FHIT: variants seen among roughly 807,000 people sequenced by gnomAD.
The protein encoded by FHIT is fragile histidine triad diadenosine triphosphatase.
FHIT carries 19 observed loss-of-function variants against 17.9 expected under a neutral mutation model. That is an observed-to-expected ratio of 1.06 (90% CI 0.74 to 1.56). The LOEUF is 1.56. FHIT is among the 40% of genes most tolerant of loss of function. The pLI is 0.00. For missense variants in FHIT, 248 were observed against 189.2 expected (o/e 1.31, Z -1.82); for synonymous variants, 81 against 69.7 (o/e 1.16, Z -0.81).
At chr3:59,827,183 T>A (rs948005348) in intron 8 of FHIT, among the ~76,000 whole-genome samples, 1 of 152,198 alleles carries the variant, frequency 6.6e-6, no homozygotes, top group African/African-American at 2.4e-5. Context: ...CAGCATCTCA[T>A]CTAATCCTTC....
chr3:60,157,839 C>T (rs1217707696), intron 5 of FHIT, among the ~76,000 whole-genome samples: 1 of 105,880 alleles, frequency 9.4e-6, no homozygotes, highest in South Asian at 2.9e-4. Context: ...AGTGACCTCA[C>T]AATGTTATGG....
chr3:60,124,902 A>T (rs948377510), intron 5 of FHIT, among the ~76,000 whole-genome samples: 1 of 152,144 alleles, frequency 6.6e-6, no homozygotes, highest in African/African-American at 2.4e-5. Flanking sequence ...CTGGCCACAC[A>T]ACTAGCCCCT....
chr3:60,933,216 T>C (rs1553772281), intron 3 of FHIT, among the ~76,000 whole-genome samples: 1 of 152,170 alleles, frequency 6.6e-6, no homozygotes, highest in Non-Finnish European at 1.5e-5. Context: ...AAAAATTTTG[T>C]ATACATGGGG....
chr3:59,754,207 GGTAA>G (rs10557569), intron 8 of FHIT, among the ~76,000 whole-genome samples: 36,358 of 151,776 alleles, frequency 0.24, 5,011 homozygotes, highest in South Asian at 0.43. Flanking sequence ...TTCCACTCCT[GGTAA>G]GTAAGTTTGA....
chr3:60,526,028 T>C (rs1195257900), intron 5 of FHIT, among the ~76,000 whole-genome samples: 1 of 152,084 alleles, frequency 6.6e-6, no homozygotes, highest in Non-Finnish European at 1.5e-5. Context: ...ACTTGAGTCC[T>C]GGAGCTCAAG....
rs1337065981 is a variant in FHIT, at chr3:60,077,692, A to ACCCCCCCC, written c.104-63541_104-63540insGGGGGGGG. Among the ~76,000 whole-genome samples, 235 of 95,320 alleles carry ACCCCCCCC rather than the reference A, an allele frequency of 2.5e-3. 1 individual carries two copies. The highest frequency in any genetic ancestry group is 0.011 in the African/African-American group (219 of 20,124). The allele number at this position is 95,320 out of a possible 152,430, so 62.5% of individuals were successfully genotyped here. ...AAAAATCTACGATTTTACTTCACAC[A>ACCCCCCCC]CACACACACACACACACACACACAC... On this transcript the variant is annotated intron_variant, in intron 5 of 9. Transcript: ENST00000492590.
intron 5 of FHIT, among the ~76,000 whole-genome samples, chr3:60,201,648 G>C: frequency 6.6e-6 from 1 of 152,084 alleles, no homozygotes; most frequent in East Asian, 1.9e-4. Flanking sequence ...TTGCAGTACT[G>C]AAGTTCATGG....
At chr3:61,106,755 G>A (rs2036001755) in intron 2 of FHIT, among the ~76,000 whole-genome samples, 1 of 152,084 alleles carries the variant, frequency 6.6e-6, no homozygotes, top group Admixed American at 6.6e-5. Flanking sequence ...CCACCTCCTG[G>A]GTCCAAGTGA....
At chr3:60,275,222 GAAGAA>G (rs1490466392) in intron 5 of FHIT, among the ~76,000 whole-genome samples, 2 of 123,594 alleles carry the variant, frequency 1.6e-5, no homozygotes, top group South Asian at 2.5e-4. Flanking sequence ...AATATTTCTG[GAAGAA>G]AAGAAAAAAA....
At chr3:60,521,451 GT>G (rs1177537932) in intron 5 of FHIT, among the ~76,000 whole-genome samples, 1 of 152,028 alleles carries the variant, frequency 6.6e-6, no homozygotes, top group Non-Finnish European at 1.5e-5. Flanking sequence ...GTTTCACCGT[GT>G]TAGCCAGGAT....
chr3:60,692,889 C>T (rs2041025611), intron 4 of FHIT, among the ~76,000 whole-genome samples: 1 of 152,176 alleles, frequency 6.6e-6, no homozygotes, highest in Admixed American at 6.5e-5. Flanking sequence ...TTCTTGTTCA[C>T]TTTTCTGATT....
chr3:61,183,268 C>T (rs1369374089), intron 2 of FHIT, among the ~76,000 whole-genome samples: 1 of 151,396 alleles, frequency 6.6e-6, no homozygotes, highest in Non-Finnish European at 1.5e-5. Flanking sequence ...AAAACAAGTG[C>T]CCAATTTATA....
At chr3:60,836,296 T>C (rs1376757426) in intron 3 of FHIT, among the ~76,000 whole-genome samples, 1 of 152,204 alleles carries the variant, frequency 6.6e-6, no homozygotes, top group Admixed American at 6.5e-5. Flanking sequence ...CTTCCTAAAA[T>C]GAATTGCGAA....
chr3:59,929,355 T>C (rs1342561321), intron 7 of FHIT, among the ~76,000 whole-genome samples: 1 of 136,736 alleles, frequency 7.3e-6, no homozygotes, highest in Non-Finnish European at 1.6e-5. Flanking sequence ...TCACGTATTG[T>C]TTTTTTGGTT....
chr3:60,357,619 C>G (rs1317571546), intron 5 of FHIT, among the ~76,000 whole-genome samples: 1 of 152,214 alleles, frequency 6.6e-6, no homozygotes, highest in Admixed American at 6.5e-5. Context: ...ACTTAAGGAT[C>G]AATTGACATC....
At chr3:60,464,598 T>C (rs922760325) in intron 5 of FHIT, among the ~76,000 whole-genome samples, 1 of 152,140 alleles carries the variant, frequency 6.6e-6, no homozygotes, top group African/African-American at 2.4e-5. Flanking sequence ...CACAAAGAAG[T>C]GAGAACATGT....
At chr3:59,998,166 T>A (rs1002530980) in intron 7 of FHIT, among the ~76,000 whole-genome samples, 1 of 152,146 alleles carries the variant, frequency 6.6e-6, no homozygotes, top group Non-Finnish European at 1.5e-5. Context: ...GATGAGCCAA[T>A]CGACTCCTGA....
intron 3 of FHIT, among the ~76,000 whole-genome samples, chr3:60,891,760 T>C (rs1471387744): frequency 1.3e-5 from 2 of 150,084 alleles, no homozygotes; most frequent in Non-Finnish European, 2.9e-5. Flanking sequence ...GACAGTGCAA[T>C]TTATTACAAT....
At chr3:60,002,570 T>C (rs976966724) in intron 7 of FHIT, among the ~76,000 whole-genome samples, 2 of 152,212 alleles carry the variant, frequency 1.3e-5, no homozygotes, top group African/African-American at 4.8e-5. Context: ...AGGGCCATTA[T>C]AGAGTCTCAC....
Sources: gnomAD v4.1 joint callset for allele counts (sites outside exome capture counted in the v4.1 genomes callset) on GRCh38, gnomAD v4.1.1 for gene constraint, MANE v1.5 for transcripts, NCBI Gene and HGNC (gene_info 2026-07-23, HGNC 2026-07-21) for gene names.